SPTAN1: variants seen among roughly 807,000 people sequenced by gnomAD.
SPTAN1 encodes the protein spectrin alpha chain, non-erythrocytic 1.
A neutral mutation model predicts 331.3 loss-of-function variants in SPTAN1; 61 were observed. The observed-to-expected ratio is 0.18, with a 90% CI of 0.15 to 0.23. The LOEUF is 0.23. Ranked by LOEUF, SPTAN1 falls within the 10% of genes least tolerant of loss-of-function variation. SPTAN1 has a pLI of 1.00. For synonymous variants in SPTAN1, 1,153 were observed against 1,173.9 expected (o/e 0.98, Z 0.36); for missense variants, 2,043 against 3,147.9 (o/e 0.65, Z 8.40).
Position 128,609,122 on chromosome 9 carries a change from G to A in SPTAN1, c.4596G>A (p.Arg1532=). ...ISSRRNEVLD[R]WRRLKAQMIE... is the part of the protein sequence containing the mutation. ...GGATCTCATGGTTTCACTCTTTCAG[G>A]TGGCGACGTCTGAAAGCCCAGATGA... is the stretch of plus-strand genomic sequence containing the variant. Residue 1532 remains arginine, a splice_region_variant and synonymous_variant, in exon 36 of 57, where the codon AGG becomes AGA. Coordinates refer to ENST00000372739, the MANE Select transcript of SPTAN1 (RefSeq NM_001130438.3). 2 of 1,614,192 alleles carry A rather than the reference G, an allele frequency of 1.2e-6. No individual in the cohort carries two copies.
In SPTAN1 at chr9:128,591,386, A is replaced by G. The variant is rs944270341; in HGVS notation, c.3007-91A>G. On this transcript the variant is annotated intron_variant, in intron 21 of 56. Transcript: ENST00000372739. Reference sequence around the variant, plus strand: ...CGGCCGTTTTGGACCTCTTAAAACAACGCTCTCGTGTGTGTGTATACACGT... The same window carrying G: ...CGGCCGTTTTGGACCTCTTAAAACAGCGCTCTCGTGTGTGTGTATACACGT... 4.5e-6 allele frequency: 7 copies of G among 1,568,570 alleles called. No homozygotes were observed. The African/African-American group carries it at 6.8e-5, about 15-fold the overall frequency.
rs909898093 is a variant in SPTAN1, at chr9:128,633,632, A to AAAAG, written c.*300_*303dup. On this transcript the variant is annotated 3_prime_UTR_variant, in exon 57 of 57. Coordinates refer to ENST00000372739, the MANE Select transcript of SPTAN1 (RefSeq NM_001130438.3). ...CCCTCCCCCAAATCTGTTTTCATGT[A>AAAAG]AAAGACAAATAAATGATGACTTCCC... 2 of 1,330,928 alleles carry AAAAG rather than the reference A, an allele frequency of 1.5e-6. No individual in the cohort carries two copies. The highest frequency in any genetic ancestry group is 2.1e-6 in the Non-Finnish European group (2 of 968,000). 82.4% of individuals were successfully genotyped at this position (1,330,928 alleles called of 1,614,324 possible). A position where few individuals can be genotyped will look rare whatever the true frequency, so the allele number is the denominator to read the frequency against.
At chr9:128,583,397 G>A (rs575960602) in intron 15 of SPTAN1, 116 bp downstream of exon 15, 29 of 1,066,330 alleles carry the variant, frequency 2.7e-5, no homozygotes, top group East Asian at 7.8e-5. Context: ...TGACTTTGGC[G>A]TTAGGGATAA....
intron 27 of SPTAN1, 74 bp from the exon 28 acceptor site, chr9:128,603,469 A>G (rs1564269493): frequency 6.4e-7 from 1 of 1,559,370 alleles, no homozygotes; most frequent in Non-Finnish European, 8.8e-7. Flanking sequence ...GACCTAATCA[A>G]TGACACTTGC....
At chr9:128,600,150 GT>G in intron 27 of SPTAN1, 35 bp downstream of exon 27, 1 of 1,608,724 alleles carries the variant, frequency 6.2e-7, no homozygotes, top group East Asian at 2.2e-5. Context: ...GTTTTCAAGA[GT>G]TTTGCGAGAT....
At position 128,583,203 on chromosome 9, in the gene SPTAN1, G is replaced by A. The variant is rs756768219; in HGVS notation, c.1933G>A (p.Ala645Thr). The A allele has an allele frequency of 6.2e-7, 1 of 1,614,124 alleles. No individual in the cohort carries two copies. Among genetic ancestry groups the A allele is most frequent in the East Asian group, 2.2e-5 (1 of 44,890 alleles). ...GQKLIDVNHY[A>T]KDEVAARMNE... Reference sequence around the variant, plus strand: ...AAAGCTGATTGATGTCAACCACTATGCCAAGGATGAAGTGGCAGCTCGTAT... The same window carrying A: ...AAAGCTGATTGATGTCAACCACTATACCAAGGATGAAGTGGCAGCTCGTAT... The change falls in exon 15 of 57, where the codon GCC (alanine) becomes ACC (threonine). Residue 645 changes from alanine to threonine, a missense_variant. Transcript: ENST00000372739.
At chr9:128,623,125 G>A (rs1030301299) in intron 45 of SPTAN1, among the ~76,000 whole-genome samples, 4 of 151,914 alleles carry the variant, frequency 2.6e-5, no homozygotes, top group Non-Finnish European at 4.4e-5. Flanking sequence ...GCACGATCTC[G>A]GCTCACTGTA....
In SPTAN1 at chr9:128,588,887, C is replaced by G. The variant is rs749672064; in HGVS notation, c.2950C>G (p.Arg984Gly). The change falls in exon 21 of 57, where the codon CGA becomes GGA. Residue 984 changes from arginine to glycine, a missense_variant. Coordinates refer to ENST00000372739, the MANE Select transcript of SPTAN1 (RefSeq NM_001130438.3). ...CTACGACTATCAGGAGAAGAGTCCC[C>G]GAGAGGTCACCATGAAGAAGGGAGA... ...ALYDYQEKSP[R>G]EVTMKKGDIL... The G allele has an allele frequency of 1.2e-6, 2 of 1,614,018 alleles. No homozygotes were observed. The highest frequency in any genetic ancestry group is 1.1e-5 in the South Asian group (1 of 91,068).
In SPTAN1 at chr9:128,582,495, C is replaced by G. The variant is rs1852066968; in HGVS notation, c.1589C>G (p.Ala530Gly). ...EEKITALDEF[A>G]TKLIQNNHYA... ...CCTTCCTAGGCATTAGATGAATTTG[C>G]AACCAAGCTAATTCAGAACAACCAC... The change falls in exon 13 of 57, where the codon GCA becomes GGA. Residue 530 changes from alanine to glycine, a missense_variant. Transcript: ENST00000372739. 6.2e-7 allele frequency: 1 copy of G among 1,614,054 alleles called. No homozygotes were observed. The highest frequency in any genetic ancestry group is 1.3e-5 in the African/African-American group (1 of 74,924).
At chr9:128,553,978 A>G (rs920795079) in intron 1 of SPTAN1, among the ~76,000 whole-genome samples, 2 of 152,210 alleles carry the variant, frequency 1.3e-5, no homozygotes, top group African/African-American at 4.8e-5. Context: ...ACTCAGCTAT[A>G]TGAAGCCATT....
chr9:128,631,205 C>T (rs1056297355), intron 52 of SPTAN1, among the ~76,000 whole-genome samples: 1 of 151,994 alleles, frequency 6.6e-6, no homozygotes, highest in Admixed American at 6.5e-5. Context: ...CACCTGTAAT[C>T]CCAGCACTTT....
chr9:128,599,836 T>G, intron 26 of SPTAN1: 1 of 566,978 alleles, frequency 1.8e-6, no homozygotes, highest in South Asian at 2.3e-5. Context: ...TTCTTTATTC[T>G]CTCCATTTCT....
intron 29 of SPTAN1, 92 bp downstream of exon 29, chr9:128,604,509 A>C: frequency 3.2e-6 from 4 of 1,233,844 alleles, no homozygotes; most frequent in Non-Finnish European, 4.6e-6. Flanking sequence ...ATCCTAGAGC[A>C]ACTGCTGGCT....
chr9:128,604,167 C>G (rs1191249696), intron 28 of SPTAN1, among the ~76,000 whole-genome samples, 159 bp from the exon 29 acceptor site: 1 of 152,192 alleles, frequency 6.6e-6, no homozygotes, highest in Non-Finnish European at 1.5e-5. Context: ...TTGGCTCTTA[C>G]TGGAATATTG....
At chr9:128,597,992 AGGCTGGAGTGCAAT>A in intron 24 of SPTAN1, among the ~76,000 whole-genome samples, 1 of 150,568 alleles carries the variant, frequency 6.6e-6, no homozygotes, top group East Asian at 2.0e-4. Context: ...CTTGTTGCAC[AGGCTGGAGTGCAAT>A]GGCGCAATCT....
intron 24 of SPTAN1, among the ~76,000 whole-genome samples, chr9:128,595,695 G>C (rs987871091): frequency 2.0e-5 from 3 of 152,098 alleles, no homozygotes; most frequent in Admixed American, 6.6e-5. Context: ...TATCCGTCAA[G>C]CATTCATTTG....
chr9:128,610,028 A>G (rs1856396345), intron 37 of SPTAN1, among the ~76,000 whole-genome samples: 1 of 152,102 alleles, frequency 6.6e-6, no homozygotes, highest in African/African-American at 2.4e-5. Flanking sequence ...CAGACTTGCT[A>G]TGAGCTCATG....
intron 5 of SPTAN1, among the ~76,000 whole-genome samples, chr9:128,575,865 C>T (rs1851249095): frequency 6.6e-6 from 1 of 152,192 alleles, no homozygotes; most frequent in Non-Finnish European, 1.5e-5. Context: ...CTGTAAGCTG[C>T]TTCCACTACG....
intron 1 of SPTAN1, among the ~76,000 whole-genome samples, chr9:128,561,356 G>C (rs1310387368): frequency 7.5e-6 from 1 of 133,716 alleles, no homozygotes; most frequent in Non-Finnish European, 1.6e-5. Context: ...TGGCGACAGA[G>C]CAAGACTCCA....
Sources: gnomAD v4.1 joint callset for allele counts (sites outside exome capture counted in the v4.1 genomes callset) on GRCh38, gnomAD v4.1.1 for gene constraint, MANE v1.5 for transcripts, NCBI Gene and HGNC (gene_info 2026-07-23, HGNC 2026-07-21) for gene names.